The following METAP2 variants were observed in gnomAD, a reference collection of about 807,000 sequenced individuals.
The protein encoded by METAP2 is methionyl aminopeptidase 2, also known as methionine aminopeptidase 2.
METAP2 carries 25 observed loss-of-function variants against 59.4 expected under a neutral mutation model. The observed-to-expected ratio is 0.42, with a 90% confidence interval of 0.31 to 0.59. The LOEUF (loss-of-function observed/expected upper bound fraction) is 0.59, where lower values mean the gene tolerates loss of function less well. METAP2 is among the 20% of genes least tolerant of loss of function. The pLI, the probability that METAP2 is intolerant of heterozygous loss-of-function variation, is 0.16. For synonymous variants in METAP2, 214 were observed against 194.1 expected, an observed-to-expected ratio of 1.10 and a Z score of -0.85; for missense variants, 366 against 581.2, an observed-to-expected ratio of 0.63 and a Z score of 3.81.
rs546922004 is a variant in METAP2 at position 95,512,364 on chromosome 12, G to A, written c.1068+366G>A. ...AGCAGGGCAAGGCTAGATAAGGACC[G>A]CCAGGGGCTATTTCATGTTGCTGCT... On this transcript the variant is annotated intron_variant, in intron 9 of 10. Coordinates refer to ENST00000323666, the MANE Select transcript of METAP2 (RefSeq NM_006838.4). Among the ~76,000 whole-genome samples, 13 of 152,208 alleles carry A rather than the reference G, an allele frequency of 8.5e-5. No homozygotes were observed. In the East Asian group the frequency reaches 9.7e-4, roughly 11 times the overall value.
At chr12:95,501,352 T>G (rs1046857414) in intron 7 of METAP2, among the ~76,000 whole-genome samples, 1 of 152,102 alleles carries the variant, frequency 6.6e-6, no homozygotes, top group Non-Finnish European at 1.5e-5. Flanking sequence ...AATGCATTAG[T>G]CTCTTGAATT....
chr12:95,485,935 G>A lies in METAP2; in HGVS notation c.382G>A (p.Val128Ile). The change falls in exon 4 of 11, where the codon GTA becomes ATA. Residue 128 changes from valine to isoleucine, a missense_variant. Physicochemically the swap from Val to Ile is conservative, Grantham distance 29. Coordinates refer to ENST00000323666, the MANE Select transcript of METAP2 (RefSeq NM_006838.4). Reference sequence around the variant, plus strand: ...AATATGTGACCTGTATCCTAATGGTGTATTTCCCAAAGGACAAGAATGCGA... The same window carrying A: ...AATATGTGACCTGTATCCTAATGGTATATTTCCCAAAGGACAAGAATGCGA... The part of the protein sequence containing the change: ...VPICDLYPNG[V>I]FPKGQECEYP... The A allele has an allele frequency of 6.3e-7, 1 of 1,593,184 alleles. No individual in the cohort carries two copies. Among genetic ancestry groups the A allele is most frequent in the East Asian group, 2.3e-5 (1 of 43,518 alleles).
chr12:95,514,907 G>C lies in METAP2; in HGVS notation c.*1003G>C, dbSNP rs2076435228. On this transcript the variant is annotated 3_prime_UTR_variant, in exon 11 of 11. Transcript: ENST00000323666. ...GTTTGGATTCTTAACATTACTAGTG[G>C]TATTTCAGGAAGTGACGTTACAGTT... is the stretch of plus-strand genomic sequence containing the variant. 1 of 152,378 alleles carries C rather than the reference G, an allele frequency of 6.6e-6. No homozygotes were observed. The highest frequency in any genetic ancestry group is 2.4e-5 in the African/African-American group (1 of 41,440). 9.4% of individuals were successfully genotyped at this position (152,378 alleles called of 1,614,324 possible). A position where few individuals can be genotyped will look rare whatever the true frequency, so the allele number is the denominator to read the frequency against.
intron 2 of METAP2, among the ~76,000 whole-genome samples, chr12:95,476,398 A>G (rs2076118896): frequency 6.6e-6 from 1 of 151,916 alleles, no homozygotes. Context: ...TGTAATCCCA[A>G]CAACTTGGGA....
intron 2 of METAP2, among the ~76,000 whole-genome samples, chr12:95,480,045 T>A (rs1240980334): frequency 6.6e-6 from 1 of 152,232 alleles, no homozygotes; most frequent in African/African-American, 2.4e-5. Context: ...GTGTCTCTTG[T>A]AGTTGGTTCT....
Position 95,513,989 on chromosome 12 carries a change from CT to C in METAP2, c.*86del. The C allele has an allele frequency of 2.1e-6, 3 of 1,449,644 alleles. No homozygotes were observed. The allele number at this position is 1,449,644 out of a possible 1,614,324, so 89.8% of individuals were successfully genotyped here. A position where few individuals can be genotyped will look rare whatever the true frequency, so the allele number is the denominator to read the frequency against. On this transcript the variant is annotated 3_prime_UTR_variant, in exon 11 of 11. Coordinates refer to ENST00000323666, the MANE Select transcript of METAP2 (RefSeq NM_006838.4). Reference sequence around the variant, plus strand: ...CCAGAATTAATTTGCCACATGTTGTCTGTTTTAACAGTGGACCCATGTAATA... The same window carrying C: ...CCAGAATTAATTTGCCACATGTTGTCGTTTTAACAGTGGACCCATGTAATA...
At chr12:95,494,856 A>T in intron 5 of METAP2, 101 bp from the exon 6 acceptor site, 1 of 852,768 alleles carries the variant, frequency 1.2e-6, no homozygotes, top group Non-Finnish European at 1.7e-6. Context: ...AAGGTATTTA[A>T]GGTTTTTAGT....
At chr12:95,512,778 C>A in intron 9 of METAP2, 23 bp from the exon 10 acceptor site, 1 of 1,343,356 alleles carries the variant, frequency 7.4e-7, no homozygotes, top group African/African-American at 1.4e-5. Context: ...TTTCTCTCCC[C>A]TTGACCCTTA....
At chr12:95,505,177 T>G (rs188795632) in intron 8 of METAP2, among the ~76,000 whole-genome samples, 168 of 152,372 alleles carry the variant, frequency 1.1e-3, no homozygotes, top group African/African-American at 3.8e-3. Context: ...TTCACACCAT[T>G]CAGCATTCTT....
chr12:95,488,831 C>T (rs1040286051), intron 4 of METAP2, among the ~76,000 whole-genome samples: 4 of 152,156 alleles, frequency 2.6e-5, no homozygotes, highest in Non-Finnish European at 5.9e-5. Context: ...TTTGATATCC[C>T]AAACAGTTCT....
At chr12:95,500,280 A>C (rs2076305770) in intron 7 of METAP2, among the ~76,000 whole-genome samples, 1 of 152,086 alleles carries the variant, frequency 6.6e-6, no homozygotes, top group Admixed American at 6.5e-5. Flanking sequence ...GGTTGAATTA[A>C]TTTATTCTGA....
intron 8 of METAP2, 105 bp downstream of exon 8, chr12:95,504,266 G>A: frequency 1.3e-6 from 1 of 760,818 alleles, no homozygotes; most frequent in Non-Finnish European, 2.2e-6. Flanking sequence ...GGTAATTCAA[G>A]GAAAGAAGAC....
chr12:95,485,368 A>G (rs1485083198), intron 3 of METAP2, among the ~76,000 whole-genome samples: 1 of 152,198 alleles, frequency 6.6e-6, no homozygotes, highest in Non-Finnish European at 1.5e-5. Flanking sequence ...TGTAGATGAG[A>G]TAAAGTTGGA....
intron 8 of METAP2, among the ~76,000 whole-genome samples, chr12:95,509,445 A>G (rs1429236885): frequency 1.3e-5 from 2 of 152,234 alleles, no homozygotes; most frequent in Non-Finnish European, 2.9e-5. Flanking sequence ...TGAAATAATT[A>G]TCCTTGGCTC....
In METAP2 at chr12:95,484,413, TA is replaced by T. The variant is rs562513426; in HGVS notation, c.325+1142del. The stretch of plus-strand genomic sequence containing the variant: ...GGCTATATTGTCCTATTCTTTCCAT[TA>T]AAAAAAAATTATTAAAAGTTTGGCT... On this transcript the variant is annotated intron_variant, in intron 3 of 10. Transcript: ENST00000323666. Among the ~76,000 whole-genome samples the T allele has an allele frequency of 2.7e-4, 41 of 150,114 alleles. No homozygotes were observed. The East Asian group carries it at 7.0e-3, about 26-fold the overall frequency.
At chr12:95,502,407 C>T (rs532804258) in intron 7 of METAP2, among the ~76,000 whole-genome samples, 1 of 152,310 alleles carries the variant, frequency 6.6e-6, no homozygotes, top group Admixed American at 6.5e-5. Context: ...GCACTGCTGC[C>T]TTCTAGCCTT....
At chr12:95,490,435 G>A (rs1486545671) in intron 4 of METAP2, among the ~76,000 whole-genome samples, 4 of 151,488 alleles carry the variant, frequency 2.6e-5, no homozygotes, top group African/African-American at 9.7e-5. Context: ...TTCGTTTAAA[G>A]TATTAGCCAG....
chr12:95,481,962 G>A (rs529887678), intron 2 of METAP2, among the ~76,000 whole-genome samples: 108 of 152,302 alleles, frequency 7.1e-4, no homozygotes, highest in Non-Finnish European at 1.2e-3. Context: ...GCACTTAAGA[G>A]CCCAACAAAC....
intron 1 of METAP2, 35 bp from the exon 2 acceptor site, chr12:95,476,032 CTGTA>C: frequency 8.1e-7 from 1 of 1,230,234 alleles, no homozygotes; most frequent in Non-Finnish European, 1.2e-6. Context: ...GGGAAAGTGT[CTGTA>C]TTAGATTTGA....
Sources: allele counts gnomAD v4.1 joint callset (sites outside exome capture counted in the v4.1 genomes callset), GRCh38; gene constraint gnomAD v4.1.1; transcripts MANE v1.5; gene names NCBI Gene and HGNC (gene_info 2026-07-23, HGNC 2026-07-21).